Variants in PLEKHA5 observed in about 807,000 individuals in gnomAD.
The protein encoded by PLEKHA5 is pleckstrin homology domain containing A5, also known as pleckstrin homology domain-containing family A member 5.
PLEKHA5 carries 55 observed loss-of-function variants against 181.9 expected under a neutral mutation model. The ratio of observed to expected loss-of-function variants is 0.30; its 90% confidence interval spans 0.24 to 0.38. The LOEUF is 0.38. Among genes scored for constraint, PLEKHA5 ranks in the 10% least tolerant of loss-of-function variants. PLEKHA5 has a pLI of 1.00. For missense variants in PLEKHA5, 1,432 were observed against 1,549.5 expected (o/e 0.92, Z 1.27); for synonymous variants, 535 against 529.4 (o/e 1.01, Z -0.15).
intron 3 of PLEKHA5, chr12:19,200,384 T>C (rs1019883717): frequency 3.9e-6 from 6 of 1,529,016 alleles, no homozygotes; most frequent in Middle Eastern, 1.7e-4. Context: ...AGTTCCAGTA[T>C]CTGTATGCAG....
intron 3 of PLEKHA5, among the ~76,000 whole-genome samples, chr12:19,173,086 C>CA (rs970342305): frequency 3.3e-5 from 4 of 120,446 alleles, no homozygotes; most frequent in Non-Finnish European, 4.9e-5. Context: ...TGCAGTGGCG[C>CA]AATCTCGGCT....
At chr12:19,212,004 G>C (rs1351377483) in intron 3 of PLEKHA5, among the ~76,000 whole-genome samples, 1 of 152,192 alleles carries the variant, frequency 6.6e-6, no homozygotes, top group African/African-American at 2.4e-5. Context: ...TTCAGCATGA[G>C]TAACTCCATT....
intron 3 of PLEKHA5, among the ~76,000 whole-genome samples, chr12:19,180,802 T>G (rs879872737): frequency 1.2e-3 from 180 of 151,708 alleles, no homozygotes; most frequent in Non-Finnish European, 2.3e-3. Context: ...GTGTTTTTTT[T>G]TTTTTAAACT....
At chr12:19,361,331 C>T (rs7962890) in intron 28 of PLEKHA5, among the ~76,000 whole-genome samples, 11,654 of 151,870 alleles carry the variant, frequency 0.077, 519 homozygotes, top group African/African-American at 0.11. Flanking sequence ...TACAGGCGCC[C>T]GCCACCACAC....
intron 8 of PLEKHA5, 96 bp downstream of exon 8, chr12:19,265,946 A>G: frequency 1.8e-6 from 1 of 560,118 alleles, no homozygotes; most frequent in South Asian, 2.8e-5. Flanking sequence ...GCTACCTTAT[A>G]GTGATTTTTA....
At chr12:19,141,328 G>T (rs1350242113) in intron 3 of PLEKHA5, among the ~76,000 whole-genome samples, 1 of 152,150 alleles carries the variant, frequency 6.6e-6, no homozygotes, top group Non-Finnish European at 1.5e-5. Context: ...TGGATCACAT[G>T]CCTGTTCCTA....
intron 22 of PLEKHA5, 45 bp downstream of exon 22, chr12:19,343,479 C>T (rs1250166184): frequency 4.7e-6 from 5 of 1,068,998 alleles, no homozygotes; most frequent in Admixed American, 3.4e-5. Flanking sequence ...CACAGTATTA[C>T]AGTCATGTGT....
At chr12:19,356,645 A>G (rs1454968448) in intron 26 of PLEKHA5, among the ~76,000 whole-genome samples, 1 of 150,962 alleles carries the variant, frequency 6.6e-6, no homozygotes, top group African/African-American at 2.4e-5. Flanking sequence ...TGGGTGGAAG[A>G]AGAGGAAGTT....
At chr12:19,294,861 A>G (rs2079350510) in intron 15 of PLEKHA5, among the ~76,000 whole-genome samples, 1 of 152,226 alleles carries the variant, frequency 6.6e-6, no homozygotes, top group South Asian at 2.1e-4. Flanking sequence ...CTTCAGCAAT[A>G]TAATTTGATT....
At chr12:19,371,020 T>A (rs1035369605) in intron 31 of PLEKHA5, 1 of 145,454 alleles carries the variant, frequency 6.9e-6, no homozygotes, top group African/African-American at 2.6e-5. Context: ...TTTTTTTTTT[T>A]CGAGGCAAGG....
At chr12:19,322,121 A>G (rs1344300443) in intron 18 of PLEKHA5, among the ~76,000 whole-genome samples, 189 bp from the exon 19 acceptor site, 1 of 152,198 alleles carries the variant, frequency 6.6e-6, no homozygotes, top group Non-Finnish European at 1.5e-5. Flanking sequence ...GCATATTATC[A>G]CTTAACCTAT....
intron 3 of PLEKHA5, among the ~76,000 whole-genome samples, chr12:19,134,183 G>A (rs1015470043): frequency 1.3e-5 from 2 of 151,910 alleles, no homozygotes; most frequent in African/African-American, 4.8e-5. Flanking sequence ...CATTGAGTGA[G>A]TTTCTTTTGT....
intron 20 of PLEKHA5, among the ~76,000 whole-genome samples, chr12:19,330,512 A>G (rs1021736724): frequency 2.0e-5 from 3 of 152,184 alleles, no homozygotes; most frequent in Non-Finnish European, 2.9e-5. Flanking sequence ...GAGGCATGCC[A>G]TGTGCTTAAT....
intron 3 of PLEKHA5, among the ~76,000 whole-genome samples, chr12:19,208,400 T>G (rs1171370755): frequency 2.3e-5 from 2 of 85,588 alleles, no homozygotes; most frequent in Non-Finnish European, 6.2e-5. Context: ...GAGCAAAAAC[T>G]CTGTCTCAAA....
intron 3 of PLEKHA5, among the ~76,000 whole-genome samples, chr12:19,147,551 A>T (rs778548434): frequency 2.6e-5 from 4 of 152,014 alleles, no homozygotes; most frequent in Non-Finnish European, 4.4e-5. Context: ...CTTTGAATGA[A>T]GGTGTTGCTG....
intron 3 of PLEKHA5, among the ~76,000 whole-genome samples, chr12:19,222,770 G>A (rs1469327153): frequency 6.6e-6 from 1 of 152,046 alleles, no homozygotes; most frequent in Non-Finnish European, 1.5e-5. Flanking sequence ...CTGTAAATAT[G>A]TGCAGTTGGT....
In PLEKHA5 at chr12:19,336,628, TA is replaced by T; in HGVS notation, c.2550+14del. Reference sequence around the variant, plus strand: ...TTGGTGAAGTTCAGGTACAAAAGTATAATATTCTTTATATTGTTTTAACTGT... The same window carrying T: ...TTGGTGAAGTTCAGGTACAAAAGTATATATTCTTTATATTGTTTTAACTGT... On this transcript the variant is annotated intron_variant, in intron 21 of 31. Transcript: ENST00000429027. 7.1e-7 allele frequency: 1 copy of T among 1,410,298 alleles called. No homozygotes were observed. The highest frequency in any genetic ancestry group is 1.0e-6 in the Non-Finnish European group (1 of 998,002). The allele number at this position is 1,410,298 out of a possible 1,614,324, so 87.4% of individuals were successfully genotyped here. A position where few individuals can be genotyped will look rare whatever the true frequency, so the allele number is the denominator to read the frequency against.
At chr12:19,214,661 TTTGC>T (rs780354831) in intron 3 of PLEKHA5, among the ~76,000 whole-genome samples, 21 of 152,172 alleles carry the variant, frequency 1.4e-4, no homozygotes, top group East Asian at 3.9e-4. Flanking sequence ...GCAACAAATA[TTTGC>T]TTGGGGCATG....
chr12:19,171,547 A>C (rs1174631964), intron 3 of PLEKHA5, among the ~76,000 whole-genome samples: 1 of 152,084 alleles, frequency 6.6e-6, no homozygotes, highest in East Asian at 1.9e-4. Context: ...CGGCAGAGAC[A>C]GGGATTTTAC....
Sources: gnomAD v4.1 joint callset for allele counts (sites outside exome capture counted in the v4.1 genomes callset) on GRCh38, gnomAD v4.1.1 for gene constraint, MANE v1.5 for transcripts, NCBI Gene and HGNC (gene_info 2026-07-23, HGNC 2026-07-21) for gene names.